PTPN12: variants seen among roughly 807,000 people sequenced by gnomAD.
PTPN12 encodes the protein protein tyrosine phosphatase non-receptor type 12.
Under a neutral mutation model 97.6 loss-of-function variants are expected in PTPN12, and 29 were observed. That is an observed-to-expected ratio of 0.30 (90% CI 0.22 to 0.41). PTPN12 has a LOEUF of 0.41. Ranked by LOEUF, PTPN12 falls within the 10% of genes least tolerant of loss-of-function variation. The pLI, the probability that PTPN12 is intolerant of heterozygous loss-of-function variation, is 1.00. For synonymous variants in PTPN12, 327 were observed against 300.4 expected (o/e 1.09, Z -0.91); for missense variants, 819 against 926.0 (o/e 0.88, Z 1.50).
rs1806701956 is a variant in PTPN12, at chr7:77,537,369, C to G, written c.-178C>G. 1 of 825,804 alleles carries G rather than the reference C, an allele frequency of 1.2e-6. No individual in the cohort carries two copies. The highest frequency in any genetic ancestry group is 4.2e-5 in the Admixed American group (1 of 23,612). 51.2% of individuals were successfully genotyped at this position (825,804 alleles called of 1,614,324 possible). On this transcript the variant is annotated 5_prime_UTR_variant, in exon 1 of 18. Coordinates refer to ENST00000248594, the MANE Select transcript of PTPN12 (RefSeq NM_002835.4). Reference sequence around the variant, plus strand: ...GGAAGTTGTGGTGTCGGGAGCCCAGCCGGTGCCGCCGCAGCCGCCGCCTAG... The same window carrying G: ...GGAAGTTGTGGTGTCGGGAGCCCAGGCGGTGCCGCCGCAGCCGCCGCCTAG...
chr7:77,627,488 T>G lies in PTPN12; in HGVS notation c.1809T>G (p.Ser603=). 6.2e-7 allele frequency: 1 copy of G among 1,613,852 alleles called. No individual in the cohort carries two copies. Among genetic ancestry groups the G allele is most frequent in the Non-Finnish European group, 8.5e-7 (1 of 1,179,792 alleles). ...TPLSFTNPLH[S]DDSDSDERNS... is the part of the protein sequence containing the mutation. ...TCAGTTTTACTAATCCACTTCACTC[T>G]GATGACTCAGACTCAGATGAAAGAA... The change falls in exon 13 of 18, where the codon TCT becomes TCG. Residue 603 remains serine (S), a synonymous_variant. Coordinates refer to ENST00000248594, the MANE Select transcript of PTPN12 (RefSeq NM_002835.4).
At chr7:77,587,361 G>A (rs1411843726) in intron 5 of PTPN12, among the ~76,000 whole-genome samples, 3 of 150,712 alleles carry the variant, frequency 2.0e-5, no homozygotes, top group Non-Finnish European at 4.4e-5. Context: ...CAGGTGCGTT[G>A]TAAACGGAAA....
At chr7:77,537,978 C>CGGG (rs34251983) in intron 1 of PTPN12, 604 of 768,106 alleles carry the variant, frequency 7.9e-4, no homozygotes, top group African/African-American at 4.9e-3. Flanking sequence ...AGGTGCAGGC[C>CGGG]GGGGGGGGGG....
At chr7:77,590,243 T>C (rs1004293043) in intron 5 of PTPN12, among the ~76,000 whole-genome samples, 3 of 152,344 alleles carry the variant, frequency 2.0e-5, no homozygotes, top group African/African-American at 2.4e-5. Context: ...ACCAGGAATA[T>C]AAGTACCAAT....
chr7:77,617,987 G>A (rs898499124), intron 11 of PTPN12, among the ~76,000 whole-genome samples: 1 of 152,182 alleles, frequency 6.6e-6, no homozygotes, highest in Admixed American at 6.5e-5. Flanking sequence ...CAGAGTGAGA[G>A]TGAGGCAAGA....
rs1262105310 is a variant in PTPN12, at chr7:77,585,557, C to G, written c.396C>G (p.Ala132=). 3.7e-6 allele frequency: 6 copies of G among 1,607,206 alleles called. No individual in the cohort carries two copies. The highest frequency in any genetic ancestry group is 5.1e-6 in the Non-Finnish European group (6 of 1,174,348). The change falls in exon 5 of 18, where the codon GCC becomes GCG. Residue 132 remains alanine (A), a synonymous_variant. Coordinates refer to ENST00000248594, the MANE Select transcript of PTPN12 (RefSeq NM_002835.4). ...WEYNVVIIVM[A]CREFEMGRKK... is the part of the protein sequence containing the mutation. The stretch of plus-strand genomic sequence containing the variant: ...TCACTTTTTAGATCATTGTAATGGC[C>G]TGCCGAGAATTTGAGATGGGAAGGG...
chr7:77,570,671 C>T (rs1181394012), intron 1 of PTPN12, among the ~76,000 whole-genome samples: 7 of 152,200 alleles, frequency 4.6e-5, no homozygotes, highest in Non-Finnish European at 1.0e-4. Flanking sequence ...GGGAGAAAGC[C>T]TGGCACATCA....
intron 12 of PTPN12, among the ~76,000 whole-genome samples, chr7:77,624,931 T>TG (rs1444420243): frequency 6.6e-6 from 1 of 151,424 alleles, no homozygotes; most frequent in Non-Finnish European, 1.5e-5. Context: ...GGCCAGGAGT[T>TG]GGAGACCAGC....
At chr7:77,593,841 A>G (rs1787942101) in intron 6 of PTPN12, among the ~76,000 whole-genome samples, 1 of 152,170 alleles carries the variant, frequency 6.6e-6, no homozygotes, top group Non-Finnish European at 1.5e-5. Flanking sequence ...CCTTATTCAG[A>G]GTTTCTTGTT....
intron 11 of PTPN12, among the ~76,000 whole-genome samples, chr7:77,613,150 TTTTC>T (rs1328760579): frequency 1.3e-5 from 2 of 149,742 alleles, no homozygotes; most frequent in Non-Finnish European, 3.0e-5. Flanking sequence ...CTATAAACAG[TTTTC>T]TTTAATTTTT....
At chr7:77,557,315 A>G (rs1584104441) in intron 1 of PTPN12, among the ~76,000 whole-genome samples, 1 of 152,136 alleles carries the variant, frequency 6.6e-6, no homozygotes, top group Non-Finnish European at 1.5e-5. Flanking sequence ...AGCCTCTAGC[A>G]GTTCATCAAT....
At chr7:77,554,817 C>CT (rs983762305) in intron 1 of PTPN12, among the ~76,000 whole-genome samples, 4 of 152,116 alleles carry the variant, frequency 2.6e-5, no homozygotes, top group African/African-American at 9.7e-5. Context: ...GTAGCAGAGA[C>CT]TACAGGCATG....
chr7:77,588,636 A>G (rs891285580), intron 5 of PTPN12, among the ~76,000 whole-genome samples: 5 of 152,202 alleles, frequency 3.3e-5, no homozygotes, highest in African/African-American at 1.2e-4. Flanking sequence ...CAAAACTTCA[A>G]TTTGTAAAAT....
chr7:77,537,604 C>G lies in PTPN12; in HGVS notation c.58C>G (p.Pro20Ala). 6.2e-7 allele frequency: 1 copy of G among 1,605,934 alleles called. No individual in the cohort carries two copies. Among genetic ancestry groups the G allele is most frequent in the Non-Finnish European group, 8.5e-7 (1 of 1,176,932 alleles). ...CCAGAGGGTCCAGGCCATGAAGAGT[C>G]CTGACCACAATGGGGAGGACAACTT... ...FIQRVQAMKS[P>A]DHNGEDNFAR... The change falls in exon 1 of 18, where the codon CCT (proline) becomes GCT (alanine). Residue 20 changes from proline (P) to alanine (A), a missense_variant. Pro to Ala is a conservative substitution (Grantham distance 27, BLOSUM62 -1). Transcript: ENST00000248594.
chr7:77,570,391 A>G (rs1808421535), intron 1 of PTPN12, among the ~76,000 whole-genome samples: 1 of 152,242 alleles, frequency 6.6e-6, no homozygotes, highest in Non-Finnish European at 1.5e-5. Flanking sequence ...TTGAAATTAA[A>G]TTTCAGCAAT....
intron 1 of PTPN12, chr7:77,538,202 A>C: frequency 3.4e-6 from 2 of 589,496 alleles, no homozygotes; most frequent in Non-Finnish European, 4.3e-6. Flanking sequence ...CATGATCTCC[A>C]ACGCTTGGGA....
chr7:77,571,659 T>G (rs1186654910), intron 2 of PTPN12, among the ~76,000 whole-genome samples: 1 of 152,132 alleles, frequency 6.6e-6, no homozygotes, highest in East Asian at 1.9e-4. Context: ...CCTCTAAGTA[T>G]ATGTCTTAGA....
Position 77,592,228 on chromosome 7 carries a change from T to C in PTPN12, c.464T>C (p.Ile155Thr), listed in dbSNP as rs1478418601. The C allele has an allele frequency of 2.5e-6, 4 of 1,606,150 alleles. No homozygotes were observed. In the South Asian group the frequency reaches 3.4e-5, roughly 14 times the overall value. ...TGGCCTTTGTATGGAGAAGACCCCA[T>C]AACGTTTGCACCATTTAAAATTTCT... ...RYWPLYGEDPITFAPFKISCE... is the reference protein window; with the variant it reads ...RYWPLYGEDPTTFAPFKISCE... Residue 155 changes from isoleucine to threonine, a missense_variant, in exon 6 of 18, where the codon ATA becomes ACA. Around this residue, in one of 5 missense-constraint regions of PTPN12, gnomAD observed 45 missense variants for 52.0 expected, o/e 0.87. Coordinates refer to ENST00000248594, the MANE Select transcript of PTPN12 (RefSeq NM_002835.4).
chr7:77,540,199 G>A (rs1806888269), intron 1 of PTPN12, among the ~76,000 whole-genome samples: 1 of 151,806 alleles, frequency 6.6e-6, no homozygotes, highest in Admixed American at 6.6e-5. Flanking sequence ...GATGAGTCAG[G>A]GATTCCTATT....
Sources: gnomAD v4.1 joint callset for allele counts (sites outside exome capture counted in the v4.1 genomes callset) on GRCh38, gnomAD v4.1.1 for gene constraint, gnomAD v4.1.1 regional missense constraint, MANE v1.5 for transcripts, NCBI Gene and HGNC (gene_info 2026-07-23, HGNC 2026-07-21) for gene names.